The following EP300 variants were observed in gnomAD, a reference collection of about 807,000 sequenced individuals.
EP300 encodes the protein EP300 lysine acetyltransferase.
EP300 carries 31 observed loss-of-function variants against 264.0 expected under a neutral mutation model. The ratio of observed to expected loss-of-function variants is 0.12; its 90% confidence interval spans 0.09 to 0.16. EP300 has a LOEUF of 0.16. Among genes scored for constraint, EP300 ranks in the 10% least tolerant of loss-of-function variants. The pLI, the probability that EP300 is intolerant of heterozygous loss-of-function variation, is 1.00. For synonymous variants in EP300, 1,340 were observed against 1,045.4 expected, an observed-to-expected ratio of 1.28 and a Z score of -5.44; for missense variants, 2,766 against 3,052.9, an observed-to-expected ratio of 0.91 and a Z score of 2.21.
intron 1 of EP300, among the ~76,000 whole-genome samples, chr22:41,106,691 C>T (rs975066421): frequency 1.3e-5 from 2 of 152,144 alleles, no homozygotes; most frequent in Non-Finnish European, 2.9e-5. Context: ...TCTTGGCTCA[C>T]GGCAGCCTCG....
In EP300 at chr22:41,154,853, C is replaced by T. The variant is rs553070509; in HGVS notation, c.3143-142C>T. The T allele has an allele frequency of 1.7e-4, 116 of 681,052 alleles. 3 individuals carry two copies. In the South Asian group the frequency reaches 1.8e-3, roughly 11 times the overall value. 42.2% of individuals were successfully genotyped at this position (681,052 alleles called of 1,614,324 possible). A position where few individuals can be genotyped will look rare whatever the true frequency, so the allele number is the denominator to read the frequency against. On this transcript the variant is annotated intron_variant, in intron 16 of 30. Transcript: ENST00000263253. Reference sequence around the variant, plus strand: ...TAGAATCTAGAATCAGTGATTGAGCCTGTAGTGATATTTCCATGGGGACAG... The same window carrying T: ...TAGAATCTAGAATCAGTGATTGAGCTTGTAGTGATATTTCCATGGGGACAG...
intron 1 of EP300, among the ~76,000 whole-genome samples, chr22:41,112,253 T>C (rs1333443617): frequency 6.6e-6 from 1 of 151,576 alleles, no homozygotes; most frequent in Non-Finnish European, 1.5e-5. Context: ...GCAGTGGCAC[T>C]GTCTCTGCTC....
intron 1 of EP300, among the ~76,000 whole-genome samples, chr22:41,099,050 A>T (rs2058717011): frequency 6.6e-6 from 1 of 152,024 alleles, no homozygotes; most frequent in Admixed American, 6.6e-5. Context: ...GCAGTGGTAG[A>T]TGGTTTGGGG....
At chr22:41,168,971 T>G in intron 25 of EP300, 104 bp downstream of exon 25, 1 of 1,528,254 alleles carries the variant, frequency 6.5e-7, no homozygotes, top group East Asian at 2.2e-5. Context: ...GTGTTTGGTT[T>G]GGAAATGCAA....
At chr22:41,160,142 CT>C (rs1601626541) in intron 19 of EP300, 1 of 163,206 alleles carries the variant, frequency 6.1e-6, no homozygotes, top group African/African-American at 2.4e-5. Context: ...CTTCTTCCTC[CT>C]TTTGATTATT....
chr22:41,160,931 T>C (rs1363499424), intron 20 of EP300, among the ~76,000 whole-genome samples: 11 of 152,236 alleles, frequency 7.2e-5, no homozygotes, highest in African/African-American at 2.4e-4. Flanking sequence ...CTGTGTCTGG[T>C]GGCTACCATA....
At chr22:41,154,921 T>C in intron 16 of EP300, 74 bp from the exon 17 acceptor site, 1 of 1,012,224 alleles carries the variant, frequency 9.9e-7, no homozygotes, top group Non-Finnish European at 1.6e-6. Flanking sequence ...CTTTTAGAGC[T>C]TCAGGCTGAA....
intron 1 of EP300, among the ~76,000 whole-genome samples, chr22:41,111,260 G>A (rs1485279304): frequency 6.6e-6 from 1 of 152,150 alleles, no homozygotes; most frequent in East Asian, 1.9e-4. Context: ...ACAGGCGTGA[G>A]CCACTGTGCC....
chr22:41,167,584 G>GTGTATATATATA (rs869093144), intron 23 of EP300, among the ~76,000 whole-genome samples: 4 of 34,472 alleles, frequency 1.2e-4, no homozygotes, highest in South Asian at 8.0e-4. Flanking sequence ...GTGTGTGTGT[G>GTGTATATATATA]TATATATATA....
Position 41,152,343 on chromosome 22 carries a change from G to A in EP300, c.3135G>A (p.Lys1045=), listed in dbSNP as rs1052972454. 71 of 1,613,088 alleles carry A rather than the reference G, an allele frequency of 4.4e-5. No homozygotes were observed. Among genetic ancestry groups the A allele is most frequent in the Non-Finnish European group, 5.8e-5 (69 of 1,179,556 alleles). The change falls in exon 16 of 31, where the codon AAG becomes AAA. Residue 1045 remains lysine (K), a synonymous_variant. Coordinates refer to ENST00000263253, the MANE Select transcript of EP300 (RefSeq NM_001429.4). Reference sequence around the variant, plus strand: ...CATCTCCGGCTCCAGGACAGTCAAAGAAAAAGAGTGAGTCTCTGAAGCCAT... The same window carrying A: ...CATCTCCGGCTCCAGGACAGTCAAAAAAAAAGAGTGAGTCTCTGAAGCCAT... ...TQSSPAPGQS[K]KKIFKPEELR...
At chr22:41,141,273 GT>G (rs776747089) in intron 10 of EP300, 51 bp downstream of exon 10, 2 of 1,567,744 alleles carry the variant, frequency 1.3e-6, no homozygotes, top group South Asian at 2.2e-5. Context: ...TAATAAAATA[GT>G]TTCTATCTAA....
chr22:41,148,754 T>C, intron 12 of EP300: 2 of 475,072 alleles, frequency 4.2e-6, no homozygotes, highest in Non-Finnish European at 7.7e-6. Flanking sequence ...CTGCTATCCT[T>C]GTGCTAGGCA....
intron 1 of EP300, among the ~76,000 whole-genome samples, chr22:41,104,936 G>C (rs567030387): frequency 1.3e-5 from 2 of 152,052 alleles, no homozygotes; most frequent in East Asian, 3.9e-4. Context: ...AGGCCAAGAC[G>C]GGCAGATCAC....
chr22:41,175,758 C>T (rs1179579747), intron 29 of EP300, among the ~76,000 whole-genome samples: 2 of 152,192 alleles, frequency 1.3e-5, no homozygotes, highest in Non-Finnish European at 2.9e-5. Flanking sequence ...GGTGCTATAC[C>T]TCACCCAGAC....
chr22:41,161,657 G>A (rs1392292853), intron 20 of EP300, among the ~76,000 whole-genome samples: 1 of 152,060 alleles, frequency 6.6e-6, no homozygotes, highest in Non-Finnish European at 1.5e-5. Flanking sequence ...AACTTAAGAT[G>A]TAGGCAGTCA....
At chr22:41,168,205 T>G in intron 23 of EP300, 1 of 519,484 alleles carries the variant, frequency 1.9e-6, no homozygotes. Flanking sequence ...TAGAAATTAT[T>G]GAGTACTGTG....
intron 5 of EP300, among the ~76,000 whole-genome samples, chr22:41,130,601 A>AC (rs2058913085): frequency 6.6e-6 from 1 of 152,096 alleles, no homozygotes; most frequent in East Asian, 1.9e-4. Context: ...AGATCCAGGA[A>AC]CTCTCAATAC....
chr22:41,141,845 T>G (rs992129901), intron 10 of EP300, among the ~76,000 whole-genome samples: 3 of 151,914 alleles, frequency 2.0e-5, no homozygotes, highest in African/African-American at 7.3e-5. Context: ...CCTGTCTAAT[T>G]TTTGTATTTT....
intron 25 of EP300, 58 bp from the exon 26 acceptor site, chr22:41,169,445 G>A (rs1357573437): frequency 5.8e-6 from 6 of 1,034,514 alleles, no homozygotes; most frequent in African/African-American, 1.6e-5. Context: ...ATGGAGTAAA[G>A]AACTCATTAT....
Sources: allele counts gnomAD v4.1 joint callset (sites outside exome capture counted in the v4.1 genomes callset), GRCh38; gene constraint gnomAD v4.1.1; transcripts MANE v1.5; gene names NCBI Gene and HGNC (gene_info 2026-07-23, HGNC 2026-07-21).